The following CLEC16A variants were observed in gnomAD, a reference collection of about 807,000 sequenced individuals.
CLEC16A encodes protein CLEC16A.
A neutral mutation model predicts 109.5 loss-of-function variants in CLEC16A; 51 were observed. That is an observed-to-expected ratio of 0.47 (90% confidence interval 0.37 to 0.59). The LOEUF (loss-of-function observed/expected upper bound fraction) is 0.59, where lower values mean the gene tolerates loss of function less well. CLEC16A is among the 20% of genes least tolerant of loss of function. The probability of loss-of-function intolerance (pLI) is 0.00; values close to 1 mark genes in which losing one functional copy is unlikely to be tolerated. For synonymous variants in CLEC16A, 673 were observed against 564.2 expected (o/e 1.19, Z -2.73); for missense variants, 1,339 against 1,394.0 (o/e 0.96, Z 0.63).
intron 23 of CLEC16A, among the ~76,000 whole-genome samples, chr16:11,170,344 G>A (rs2068454608): frequency 6.6e-6 from 1 of 152,190 alleles, no homozygotes; most frequent in Non-Finnish European, 1.5e-5. Context: ...CAGCAGCAAA[G>A]TGGACCCCAG....
chr16:11,156,566 C>T (rs1388803104), intron 22 of CLEC16A: 25 of 1,302,752 alleles, frequency 1.9e-5, no homozygotes, highest in African/African-American at 9.1e-5. Flanking sequence ...CTCCTGCTGC[C>T]GTTTCAGCCC....
intron 16 of CLEC16A, among the ~76,000 whole-genome samples, chr16:11,045,955 C>T (rs2047613642): frequency 6.6e-6 from 1 of 152,170 alleles, no homozygotes. Context: ...TGGACATACC[C>T]AGACAAGGGT....
chr16:11,011,191 T>G (rs2045390511), intron 11 of CLEC16A, among the ~76,000 whole-genome samples: 1 of 152,256 alleles, frequency 6.6e-6, no homozygotes, highest in African/African-American at 2.4e-5. Flanking sequence ...CCCCTTAGAT[T>G]TGACATTTGT....
At chr16:11,142,756 G>T (rs1349916336) in intron 22 of CLEC16A, among the ~76,000 whole-genome samples, 4 of 152,202 alleles carry the variant, frequency 2.6e-5, no homozygotes, top group Non-Finnish European at 4.4e-5. Flanking sequence ...ATCTACAGAG[G>T]TAGGCTTCTG....
chr16:11,040,055 G>A (rs896013774), intron 14 of CLEC16A, 179 bp downstream of exon 14: 10 of 690,534 alleles, frequency 1.4e-5, no homozygotes, highest in South Asian at 6.7e-5. Flanking sequence ...TGCTGGGACT[G>A]TGTCTTAGCT....
intron 3 of CLEC16A, among the ~76,000 whole-genome samples, chr16:10,967,943 C>T (rs551256848): frequency 9.2e-5 from 14 of 152,230 alleles, no homozygotes; most frequent in Non-Finnish European, 1.3e-4. Flanking sequence ...GACTCCGTGG[C>T]GCAGGGCCGG....
At position 11,046,169 on chromosome 16, in the gene CLEC16A, GA is replaced by G. The variant is rs572296996; in HGVS notation, c.1816-1122del. ...GTTTATGTCCTCTAGAAAGCTTTTG[GA>G]TTGCAAAAACAGAAAGACATATAGG... is the stretch of plus-strand genomic sequence containing the variant. On this transcript the variant is annotated intron_variant, in intron 16 of 23. Coordinates refer to ENST00000409790, the MANE Select transcript of CLEC16A (RefSeq NM_015226.3). Among the ~76,000 whole-genome samples the G allele has an allele frequency of 7.2e-5, 11 of 152,190 alleles. 1 individual carries two copies. In the South Asian group the frequency reaches 2.1e-3, roughly 29 times the overall value.
intron 2 of CLEC16A, among the ~76,000 whole-genome samples, 168 bp from the exon 3 acceptor site, chr16:10,962,287 T>C (rs1054189140): frequency 7.9e-5 from 12 of 152,160 alleles, no homozygotes; most frequent in African/African-American, 2.9e-4. Flanking sequence ...ATCTTATTCC[T>C]TTGCTGGGAA....
intron 18 of CLEC16A, among the ~76,000 whole-genome samples, chr16:11,052,646 G>A (rs1031153692): frequency 2.0e-5 from 3 of 152,130 alleles, no homozygotes; most frequent in African/African-American, 4.8e-5. Flanking sequence ...CCAGGCACAC[G>A]ATTCTGTTTG....
At chr16:11,132,004 C>G (rs1346344526) in intron 22 of CLEC16A, among the ~76,000 whole-genome samples, 1 of 152,216 alleles carries the variant, frequency 6.6e-6, no homozygotes, top group Non-Finnish European at 1.5e-5. Context: ...TCCGATACCT[C>G]AAAAAGGGGC....
chr16:11,180,119 T>C lies in CLEC16A; in HGVS notation c.*1429T>C, dbSNP rs202075385. Reference sequence around the variant, plus strand: ...TTAGGTATCCGCCGGAGCCTGGCCATAGGGTAGTCTCGGGAGCCGCGCTGA... The same window carrying C: ...TTAGGTATCCGCCGGAGCCTGGCCACAGGGTAGTCTCGGGAGCCGCGCTGA... On this transcript the variant is annotated 3_prime_UTR_variant, in exon 24 of 24. Coordinates refer to ENST00000409790, the MANE Select transcript of CLEC16A (RefSeq NM_015226.3). 4 of 152,230 alleles carry C rather than the reference T, an allele frequency of 2.6e-5. No individual in the cohort carries two copies. Among genetic ancestry groups the C allele is most frequent in the Admixed American group, 6.5e-5 (1 of 15,276 alleles). The allele number at this position is 152,230 out of a possible 1,614,324, so 9.4% of individuals were successfully genotyped here.
chr16:11,121,804 C>T (rs1861199), intron 20 of CLEC16A, among the ~76,000 whole-genome samples: 20,018 of 143,906 alleles, frequency 0.14, 1,533 homozygotes, highest in African/African-American at 0.22. Flanking sequence ...CGCTTGAACC[C>T]AGGAGGCAGA....
At chr16:11,109,593 T>G (rs139758148) in intron 19 of CLEC16A, among the ~76,000 whole-genome samples, 5 of 152,284 alleles carry the variant, frequency 3.3e-5, no homozygotes, top group African/African-American at 1.2e-4. Context: ...TCCCCCTCAC[T>G]AATCCCTGGT....
chr16:11,006,476 C>A (rs7199305), intron 11 of CLEC16A, among the ~76,000 whole-genome samples: 1 of 152,042 alleles, frequency 6.6e-6, no homozygotes, highest in African/African-American at 2.4e-5. Flanking sequence ...TATTTCTTCT[C>A]TAGAAGCTCC....
At chr16:11,134,725 G>C (rs1597509526) in intron 22 of CLEC16A, among the ~76,000 whole-genome samples, 3 of 152,214 alleles carry the variant, frequency 2.0e-5, no homozygotes, top group African/African-American at 7.2e-5. Flanking sequence ...AAAAGTTTTG[G>C]ATTTTGGATT....
intron 19 of CLEC16A, among the ~76,000 whole-genome samples, chr16:11,076,036 A>G (rs753880113): frequency 8.5e-5 from 13 of 152,320 alleles, no homozygotes; most frequent in Non-Finnish European, 1.8e-4. Flanking sequence ...TAGAGAACCC[A>G]GCTCCGTCTC....
At chr16:11,080,125 C>G (rs1347604675) in intron 19 of CLEC16A, among the ~76,000 whole-genome samples, 1 of 152,238 alleles carries the variant, frequency 6.6e-6, no homozygotes, top group Admixed American at 6.5e-5. Context: ...TAGACAGGGA[C>G]TCTGAGTGTT....
chr16:11,140,067 C>G (rs2053752121), intron 22 of CLEC16A, among the ~76,000 whole-genome samples: 1 of 152,250 alleles, frequency 6.6e-6, no homozygotes, highest in Non-Finnish European at 1.5e-5. Flanking sequence ...TCTTCTACCT[C>G]TTCTACCGGC....
rs895771736 is a variant in CLEC16A, at chr16:11,020,453, C to A, written c.1436+128C>A. ...CCGACCATGCTGCCTCCCTTTCTTT[C>A]CCTGCTTCTCCAGCTCTGGCCACCC... On this transcript the variant is annotated intron_variant, in intron 12 of 23. Coordinates refer to ENST00000409790, the MANE Select transcript of CLEC16A (RefSeq NM_015226.3). The A allele has an allele frequency of 2.5e-6, 3 of 1,202,768 alleles. No homozygotes were observed. In the South Asian group the frequency reaches 5.3e-5, roughly 21 times the overall value. 74.5% of individuals were successfully genotyped at this position (1,202,768 alleles called of 1,614,324 possible). A position where few individuals can be genotyped will look rare whatever the true frequency, so the allele number is the denominator to read the frequency against.
Sources: gnomAD v4.1 joint callset for allele counts (sites outside exome capture counted in the v4.1 genomes callset) on GRCh38, gnomAD v4.1.1 for gene constraint, MANE v1.5 for transcripts, NCBI Gene and HGNC (gene_info 2026-07-23, HGNC 2026-07-21) for gene names.